NPAT: variants seen among roughly 807,000 people sequenced by gnomAD.
NPAT encodes nuclear protein, coactivator of histone transcription.
NPAT carries 52 observed loss-of-function variants against 130.7 expected under a neutral mutation model. The observed-to-expected ratio is 0.40, with a 90% CI of 0.32 to 0.50. The LOEUF (loss-of-function observed/expected upper bound fraction) is 0.50. Ranked by LOEUF, NPAT falls within the 20% of genes least tolerant of loss-of-function variation. The probability of loss-of-function intolerance (pLI) is 0.68; values close to 1 mark genes in which losing one functional copy is unlikely to be tolerated. For missense variants in NPAT, 1,687 were observed against 1,662.6 expected (o/e 1.01, Z -0.26); for synonymous variants, 580 against 584.8 (o/e 0.99, Z 0.12).
chr11:108,197,225 T>G (rs2078231123), intron 2 of NPAT, 77 bp downstream of exon 2: 3 of 1,070,172 alleles, frequency 2.8e-6, no homozygotes, highest in Non-Finnish European at 4.4e-6. Flanking sequence ...TTTTTTTTTC[T>G]GATAAGCTGA....
intron 15 of NPAT, among the ~76,000 whole-genome samples, chr11:108,163,246 A>T (rs1224454062): frequency 6.6e-6 from 1 of 151,848 alleles, no homozygotes; most frequent in Non-Finnish European, 1.5e-5. Context: ...CGCCTGGCTA[A>T]TTTTTGTATT....
chr11:108,197,134 T>G (rs2078230214), intron 2 of NPAT, among the ~76,000 whole-genome samples, 168 bp downstream of exon 2: 1 of 152,192 alleles, frequency 6.6e-6, no homozygotes, highest in African/African-American at 2.4e-5. Flanking sequence ...TGGCATAAAT[T>G]TGTAAAAAGA....
At chr11:108,186,023 GT>G (rs932172814) in intron 8 of NPAT, among the ~76,000 whole-genome samples, 9 of 145,624 alleles carry the variant, frequency 6.2e-5, no homozygotes, top group South Asian at 4.4e-4. Flanking sequence ...TCGCCGGCCA[GT>G]TTTTTTTTTT....
intron 1 of NPAT, among the ~76,000 whole-genome samples, chr11:108,217,194 T>G (rs905644425): frequency 6.6e-6 from 1 of 152,136 alleles, no homozygotes. Flanking sequence ...GGCGTGTGAG[T>G]GCTCCCTTCA....
intron 1 of NPAT, among the ~76,000 whole-genome samples, chr11:108,203,979 T>C (rs1442148532): frequency 6.6e-6 from 1 of 152,218 alleles, no homozygotes; most frequent in Non-Finnish European, 1.5e-5. Context: ...CATATGGTCA[T>C]GCAAATGGAG....
At chr11:108,222,121 C>A (rs1288962572) in intron 1 of NPAT, among the ~76,000 whole-genome samples, 1 of 152,110 alleles carries the variant, frequency 6.6e-6, no homozygotes, top group African/African-American at 2.4e-5. Flanking sequence ...CTATTTTGGT[C>A]CCAACACTGA....
At chr11:108,206,331 CTG>C (rs1413535963) in intron 1 of NPAT, among the ~76,000 whole-genome samples, 3 of 152,158 alleles carry the variant, frequency 2.0e-5, no homozygotes, top group African/African-American at 4.8e-5. Flanking sequence ...GCCAAGCAGG[CTG>C]TGTTTGGCTC....
intron 1 of NPAT, among the ~76,000 whole-genome samples, chr11:108,199,447 G>A (rs2078254384): frequency 6.6e-6 from 1 of 152,250 alleles, no homozygotes; most frequent in African/African-American, 2.4e-5. Flanking sequence ...AGAGATGCTG[G>A]ACAGCATAGC....
chr11:108,212,384 G>C (rs538027037), intron 1 of NPAT, among the ~76,000 whole-genome samples: 2 of 150,892 alleles, frequency 1.3e-5, no homozygotes, highest in East Asian at 4.0e-4. Context: ...AATTAGCCAG[G>C]TGTGGTGGTG....
At chr11:108,188,312 G>A (rs1378229733) in intron 6 of NPAT, 133 bp from the exon 7 acceptor site, 5 of 704,038 alleles carry the variant, frequency 7.1e-6, no homozygotes, top group African/African-American at 1.8e-5. Context: ...CCTACCATGT[G>A]TAAAGCATGG....
chr11:108,193,889 T>C lies in NPAT; in HGVS notation c.217+68A>G, dbSNP rs1049271587. ...AGACATTAATAACCTTTAGAAATCATTTTTAACTAAATCAAGTAGATAAAT... is the reference window on the plus strand; with the variant it reads ...AGACATTAATAACCTTTAGAAATCACTTTTAACTAAATCAAGTAGATAAAT... On this transcript the variant is annotated intron_variant, in intron 3 of 17. Coordinates refer to ENST00000278612, the MANE Select transcript of NPAT (RefSeq NM_002519.3). 5 of 989,480 alleles carry C rather than the reference T, an allele frequency of 5.1e-6. No homozygotes were observed. In the African/African-American group the frequency reaches 8.1e-5, roughly 16 times the overall value. 61.3% of individuals were successfully genotyped at this position (989,480 alleles called of 1,614,324 possible).
chr11:108,190,499 T>G lies in NPAT; in HGVS notation c.292A>C (p.Ser98Arg). ...KLDHTLSQIR[S>R]MQSSPRFAGS... is the part of the protein sequence containing the mutation. ...GCAAACCTTGGGGAACTTTGCATGC[T>G]CCTAACAAAGAAAACAAAGTAGTTA... is the stretch of plus-strand genomic sequence containing the variant. Residue 98 changes from serine to arginine, a missense_variant and splice_region_variant, in exon 5 of 18, where the codon AGC becomes CGC. This residue lies in a region of NPAT where 307 missense variants were observed against 298.9 expected (regional missense o/e 1.03). Coordinates refer to ENST00000278612, the MANE Select transcript of NPAT (RefSeq NM_002519.3). 6.2e-7 allele frequency: 1 copy of G among 1,613,604 alleles called. No individual in the cohort carries two copies. Among genetic ancestry groups the G allele is most frequent in the Non-Finnish European group, 8.5e-7 (1 of 1,179,578 alleles).
intron 1 of NPAT, among the ~76,000 whole-genome samples, chr11:108,212,524 CAAAA>C (rs1161827199): frequency 3.7e-5 from 4 of 106,960 alleles, no homozygotes; most frequent in Non-Finnish European, 7.7e-5. Flanking sequence ...GACTCCGTCT[CAAAA>C]GAAAAAAAAA....
chr11:108,159,725 A>G (rs1438368530), intron 17 of NPAT, among the ~76,000 whole-genome samples: 9 of 152,160 alleles, frequency 5.9e-5, no homozygotes, highest in Non-Finnish European at 1.0e-4. Context: ...AATAAAAAAC[A>G]TAAGGCCAGG....
Position 108,208,893 on chromosome 11 carries a change from C to CAT in NPAT, c.38-11475_38-11474dup, listed in dbSNP as rs2078355935. Among the ~76,000 whole-genome samples, 3 of 152,162 alleles carry CAT rather than the reference C, an allele frequency of 2.0e-5. No homozygotes were observed. The South Asian group carries it at 6.2e-4, about 31-fold the overall frequency. On this transcript the variant is annotated intron_variant, in intron 1 of 17. Transcript: ENST00000278612. ...ACATGGAACATTTTCCAGGGCCGAC[C>CAT]ATATATTAGGACATGAAATAAGTGT... is the stretch of plus-strand genomic sequence containing the variant.
intron 1 of NPAT, 126 bp from the exon 2 acceptor site, chr11:108,197,546 T>C (rs574207392): frequency 8.2e-6 from 6 of 728,846 alleles, no homozygotes; most frequent in Non-Finnish European, 1.5e-5. Context: ...GCTCTAGTGT[T>C]TGGCAGCCTT....
chr11:108,161,889 A>C lies in NPAT; in HGVS notation c.3197T>G (p.Phe1066Cys), dbSNP rs545948601. The C allele has an allele frequency of 6.8e-6, 11 of 1,614,050 alleles. No homozygotes were observed. The South Asian group carries it at 1.2e-4, about 18-fold the overall frequency. ...TGCCACAGGAGCAGTAGTGCTGTCG[A>C]AACAGAGTACACGTCTGTGGCATGG... ...AKPCHRRVLC[F>C]DSTTAPVANT... Residue 1066 changes from phenylalanine to cysteine, a missense_variant, in exon 17 of 18, where the codon TTC (phenylalanine) becomes TGC (cysteine). Physicochemically the swap from Phe to Cys is radical, Grantham distance 205. Around this residue, in one of 3 missense-constraint regions of NPAT, gnomAD observed 1,379 missense variants for 1,346.6 expected, o/e 1.02. Coordinates refer to ENST00000278612, the MANE Select transcript of NPAT (RefSeq NM_002519.3).
intron 1 of NPAT, among the ~76,000 whole-genome samples, chr11:108,206,032 G>A (rs540177850): frequency 7.2e-5 from 11 of 152,298 alleles, no homozygotes; most frequent in African/African-American, 1.9e-4. Flanking sequence ...GTGACAGAGC[G>A]AGACCCTGTC....
chr11:108,220,945 T>G (rs1472838979), intron 1 of NPAT, among the ~76,000 whole-genome samples: 1 of 152,162 alleles, frequency 6.6e-6, no homozygotes, highest in Non-Finnish European at 1.5e-5. Context: ...GAAAATGGAA[T>G]GTGAATGACA....
Sources: gnomAD v4.1 joint callset for allele counts (sites outside exome capture counted in the v4.1 genomes callset) on GRCh38, gnomAD v4.1.1 for gene constraint, gnomAD v4.1.1 regional missense constraint, MANE v1.5 for transcripts, NCBI Gene and HGNC (gene_info 2026-07-23, HGNC 2026-07-21) for gene names.